The following L3MBTL2 variants were observed in gnomAD, a reference collection of about 807,000 sequenced individuals.
L3MBTL2 encodes the protein lethal(3)malignant brain tumor-like protein 2.
In L3MBTL2, 49 loss-of-function variants were observed where a neutral mutation model predicts 86.4. That is an observed-to-expected ratio of 0.57 (90% confidence interval 0.45 to 0.72). The LOEUF is 0.72. Among genes scored for constraint, L3MBTL2 ranks in the 30% least tolerant of loss-of-function variants. The pLI is 0.00. For synonymous variants in L3MBTL2, 336 were observed against 350.6 expected (o/e 0.96, Z 0.47); for missense variants, 755 against 923.7 (o/e 0.82, Z 2.37).
chr22:41,227,172 G>C lies in L3MBTL2; in HGVS notation c.1671G>C (p.Thr557=). The C allele has an allele frequency of 1.2e-6, 2 of 1,613,718 alleles. No homozygotes were observed. The highest frequency in any genetic ancestry group is 1.1e-5 in the South Asian group (1 of 91,074). ...AGCCCCGGCTCATCTGTGTGGCCAC[G>C]GTGAAACGAGTGGTGCATCGGCTCC... ...LMEPRLICVA[T]VKRVVHRLLS... The change falls in exon 14 of 17, where the codon ACG becomes ACC. Residue 557 remains threonine, a synonymous_variant. Transcript: ENST00000216237. The surrounding 1 kb of genome is among the most constrained non-coding windows in gnomAD (Gnocchi z 6.0).
intron 1 of L3MBTL2, among the ~76,000 whole-genome samples, chr22:41,207,007 A>C (rs888057399): frequency 1.3e-5 from 2 of 152,160 alleles, no homozygotes; most frequent in Non-Finnish European, 2.9e-5. Flanking sequence ...TCTTCGTAAG[A>C]ATTCTCTAAA....
intron 8 of L3MBTL2, among the ~76,000 whole-genome samples, chr22:41,222,150 G>T (rs2031873652): frequency 6.6e-6 from 1 of 152,056 alleles, no homozygotes; most frequent in African/African-American, 2.4e-5. Flanking sequence ...TGATCCACCT[G>T]CCTCGGCCTC....
At chr22:41,215,253 C>T (rs985857719) in intron 3 of L3MBTL2, among the ~76,000 whole-genome samples, 2 of 152,096 alleles carry the variant, frequency 1.3e-5, no homozygotes, top group Admixed American at 6.6e-5. Context: ...CCGAAAGATC[C>T]CTCTCTTCCG....
rs565964562 is a variant in L3MBTL2 at position 41,226,624 on chromosome 22, C to T, written c.1505-38C>T. ...TTTCCTCCTGCCCACTTCCTGCTTC[C>T]CCCTCTCCCTCTGCATCTGAGCTTT... On this transcript the variant is annotated intron_variant, in intron 12 of 16. Transcript: ENST00000216237. The T allele has an allele frequency of 1.3e-4, 182 of 1,447,498 alleles. 2 individuals are homozygous for T. The South Asian group carries it at 2.0e-3, about 16-fold the overall frequency. 89.7% of individuals were successfully genotyped at this position (1,447,498 alleles called of 1,614,324 possible). A position where few individuals can be genotyped will look rare whatever the true frequency, so the allele number is the denominator to read the frequency against.
rs540980175 is a variant in L3MBTL2 at position 41,226,014 on chromosome 22, C to T, written c.1504+73C>T. The stretch of plus-strand genomic sequence containing the variant: ...CAGGGTGTCCAGGCGCGGTGGCTCC[C>T]GCCTGTAATCCTAGCACTTTGGGAG... On this transcript the variant is annotated intron_variant, in intron 12 of 16. Coordinates refer to ENST00000216237, the MANE Select transcript of L3MBTL2 (RefSeq NM_031488.5). 43 of 1,531,404 alleles carry T rather than the reference C, an allele frequency of 2.8e-5. No individual in the cohort carries two copies. The East Asian group carries it at 3.9e-4, about 14-fold the overall frequency. The allele number at this position is 1,531,404 out of a possible 1,614,324, so 94.9% of individuals were successfully genotyped here. A position where few individuals can be genotyped will look rare whatever the true frequency, so the allele number is the denominator to read the frequency against.
At position 41,227,027 on chromosome 22, in the gene L3MBTL2, G is replaced by C. The variant is rs2032232821; in HGVS notation, c.1588-62G>C. On this transcript the variant is annotated intron_variant, in intron 13 of 16. Transcript: ENST00000216237. The surrounding 1 kb of genome is among the most constrained non-coding windows in gnomAD (Gnocchi z 6.0). The stretch of plus-strand genomic sequence containing the variant: ...CAGTTCTTCAAGTGCCTCCGGGCCG[G>C]GGCAAGCCTGCTGGGGTAGGGAGCT... 5 of 1,454,720 alleles carry C rather than the reference G, an allele frequency of 3.4e-6. No homozygotes were observed. The highest frequency in any genetic ancestry group is 4.7e-6 in the Non-Finnish European group (5 of 1,066,054). 90.1% of individuals were successfully genotyped at this position (1,454,720 alleles called of 1,614,324 possible).
At chr22:41,210,264 C>T (rs1166595627) in intron 2 of L3MBTL2, among the ~76,000 whole-genome samples, 1 of 151,570 alleles carries the variant, frequency 6.6e-6, no homozygotes, top group Non-Finnish European at 1.5e-5. Flanking sequence ...ATTCTCATGC[C>T]TCAGCCTTCC....
chr22:41,227,876 GC>G lies in L3MBTL2; in HGVS notation c.1888+8del. ...AAACAGTTTGGGAAGAAAAGTAAGT[GC>G]TGCACCGGTGCAGCCAGGCTGGTGT... is the stretch of plus-strand genomic sequence containing the variant. On this transcript the variant is annotated splice_region_variant and intron_variant, in intron 15 of 16. Coordinates refer to ENST00000216237, the MANE Select transcript of L3MBTL2 (RefSeq NM_031488.5). This position sits in a 1 kb window ranked among gnomAD's most constrained non-coding sequence, Gnocchi z 6.0. 6.2e-7 allele frequency: 1 copy of G among 1,612,744 alleles called. No individual in the cohort carries two copies. The highest frequency in any genetic ancestry group is 8.5e-7 in the Non-Finnish European group (1 of 1,179,376).
intron 4 of L3MBTL2, 29 bp downstream of exon 4, chr22:41,216,291 A>C: frequency 6.2e-7 from 1 of 1,602,860 alleles, no homozygotes; most frequent in Non-Finnish European, 8.5e-7. Flanking sequence ...CTGCTTAGGA[A>C]GCTGCCGTGG....
intron 15 of L3MBTL2, chr22:41,228,551 G>A (rs1057114416): frequency 1.8e-5 from 18 of 984,972 alleles, no homozygotes; most frequent in Middle Eastern, 5.2e-4. Context: ...CTTGGGCAGG[G>A]TTAAGATTGA....
chr22:41,207,676 C>T lies in L3MBTL2; in HGVS notation c.25-2020C>T, dbSNP rs558305402. 1.5e-4 allele frequency among the ~76,000 whole-genome samples: 23 copies of T among 151,600 alleles called. No homozygotes were observed. The East Asian group carries it at 4.5e-3, about 30-fold the overall frequency. On this transcript the variant is annotated intron_variant, in intron 1 of 16. Coordinates refer to ENST00000216237, the MANE Select transcript of L3MBTL2 (RefSeq NM_031488.5). ...GCCAAACTTTTCTCCTTTCTTCACA[C>T]CTTTTTTTTCCTTTGAGACAGTGTC...
chr22:41,215,158 A>C (rs1418844122), intron 3 of L3MBTL2, among the ~76,000 whole-genome samples: 2 of 152,138 alleles, frequency 1.3e-5, no homozygotes, highest in Non-Finnish European at 2.9e-5. Context: ...TGTGTCCCAG[A>C]TCCTTCTGCT....
intron 1 of L3MBTL2, among the ~76,000 whole-genome samples, chr22:41,207,065 A>G (rs865973119): frequency 1.2e-4 from 19 of 152,140 alleles, no homozygotes; most frequent in Middle Eastern, 3.2e-3. Context: ...AAGATAAAAT[A>G]CGCACAAAAT....
intron 2 of L3MBTL2, among the ~76,000 whole-genome samples, chr22:41,212,754 G>C (rs2030992833): frequency 6.6e-6 from 1 of 151,896 alleles, no homozygotes; most frequent in Middle Eastern, 3.4e-3. Context: ...AATTAGCCAG[G>C]CGTGGTGGCA....
intron 6 of L3MBTL2, among the ~76,000 whole-genome samples, chr22:41,220,415 C>T (rs938257356): frequency 6.6e-5 from 10 of 151,742 alleles, no homozygotes; most frequent in Non-Finnish European, 1.0e-4. Flanking sequence ...AAGCTAGGCC[C>T]GGTGGCTCAC....
rs1179269134 is a variant in L3MBTL2 at position 41,217,248 on chromosome 22, G to A, written c.600+46G>A. 2.7e-6 allele frequency: 4 copies of A among 1,468,878 alleles called. No individual in the cohort carries two copies. The South Asian group carries it at 4.5e-5, about 17-fold the overall frequency. The allele number at this position is 1,468,878 out of a possible 1,614,324, so 91.0% of individuals were successfully genotyped here. On this transcript the variant is annotated intron_variant, in intron 5 of 16. Coordinates refer to ENST00000216237, the MANE Select transcript of L3MBTL2 (RefSeq NM_031488.5). ...GGAGGGAGGCCGGGGAGCCGGGCCTGGAGCTGCTCCTCCACCTGCTTCACC... is the reference window on the plus strand; with the variant it reads ...GGAGGGAGGCCGGGGAGCCGGGCCTAGAGCTGCTCCTCCACCTGCTTCACC...
At chr22:41,210,150 T>C (rs957212133) in intron 2 of L3MBTL2, 13 of 467,754 alleles carry the variant, frequency 2.8e-5, no homozygotes, top group East Asian at 2.2e-4. Context: ...TTTCTTTTTT[T>C]TTTTTTTTTT....
intron 7 of L3MBTL2, 118 bp downstream of exon 7, chr22:41,220,986 GC>G: frequency 8.0e-7 from 1 of 1,251,204 alleles, no homozygotes; most frequent in Non-Finnish European, 1.1e-6. Flanking sequence ...GAATCCACTT[GC>G]CCCCTGGCTT....
intron 1 of L3MBTL2, 26 bp from the exon 2 acceptor site, chr22:41,209,670 A>G (rs2030553316): frequency 1.2e-6 from 2 of 1,600,308 alleles, no homozygotes. Flanking sequence ...AATTCTTTCT[A>G]CCTGGTTTGT....
Sources: allele counts gnomAD v4.1 joint callset (sites outside exome capture counted in the v4.1 genomes callset), GRCh38; gene constraint gnomAD v4.1.1; non-coding constraint Gnocchi (gnomAD v3.1); transcripts MANE v1.5; gene names NCBI Gene and HGNC (gene_info 2026-07-23, HGNC 2026-07-21).